FBN1: variants seen among roughly 807,000 people sequenced by gnomAD.
The protein encoded by FBN1 is fibrillin 1.
FBN1 carries 29 observed loss-of-function variants against 365.1 expected under a neutral mutation model. The observed-to-expected ratio is 0.08, with a 90% CI of 0.06 to 0.11. The LOEUF (loss-of-function observed/expected upper bound fraction) is 0.11. Ranked by LOEUF, FBN1 falls within the 10% of genes least tolerant of loss-of-function variation. The pLI, the probability that FBN1 is intolerant of heterozygous loss-of-function variation, is 1.00. For synonymous variants in FBN1, 1,210 were observed against 1,270.5 expected, an observed-to-expected ratio of 0.95 and a Z score of 1.01; for missense variants, 2,476 against 3,703.2, an observed-to-expected ratio of 0.67 and a Z score of 8.60.
At chr15:48,411,527 C>T in intron 65 of FBN1, 148 bp from the exon 66 acceptor site, 1 of 708,770 alleles carries the variant, frequency 1.4e-6, no homozygotes, top group Non-Finnish European at 2.4e-6. Context: ...GTTTAGACCA[C>T]AAGTGTATTA....
intron 17 of FBN1, among the ~76,000 whole-genome samples, chr15:48,501,067 T>G (rs903226658): frequency 3.9e-5 from 6 of 152,316 alleles, no homozygotes; most frequent in East Asian, 1.9e-4. Context: ...GACCCTTTTT[T>G]GGGTAAATTC....
At chr15:48,591,089 T>A (rs1252959700) in intron 6 of FBN1, among the ~76,000 whole-genome samples, 1 of 152,212 alleles carries the variant, frequency 6.6e-6, no homozygotes, top group African/African-American at 2.4e-5. Flanking sequence ...AAAGGCTTCA[T>A]CCTCTGGCTC....
intron 43 of FBN1, 109 bp from the exon 44 acceptor site, chr15:48,456,871 T>TGTGTGCGC (rs749897052): frequency 2.9e-5 from 31 of 1,083,488 alleles, no homozygotes; most frequent in South Asian, 7.6e-5. Flanking sequence ...TGTGTGTGTG[T>TGTGTGCGC]GCGTGCATGT....
intron 6 of FBN1, 56 bp from the exon 7 acceptor site, chr15:48,537,864 C>T (rs2044027387): frequency 1.3e-6 from 2 of 1,550,122 alleles, no homozygotes; most frequent in Non-Finnish European, 1.8e-6. Flanking sequence ...AACCATCATG[C>T]AGAGGAACAG....
intron 44 of FBN1, among the ~76,000 whole-genome samples, chr15:48,454,998 A>T (rs2141258520): frequency 6.6e-6 from 1 of 152,346 alleles, no homozygotes; most frequent in Middle Eastern, 3.4e-3. Flanking sequence ...ATGATGTGGC[A>T]TCTGATAATG....
chr15:48,619,582 C>T (rs1889726587), intron 2 of FBN1, among the ~76,000 whole-genome samples: 1 of 152,044 alleles, frequency 6.6e-6, no homozygotes, highest in East Asian at 1.9e-4. Flanking sequence ...CCATCTCAAA[C>T]TCAATTTATC....
At chr15:48,523,951 A>G (rs2043884656) in intron 9 of FBN1, among the ~76,000 whole-genome samples, 1 of 152,188 alleles carries the variant, frequency 6.6e-6, no homozygotes. Flanking sequence ...GGACCCAGAA[A>G]TCACATTATA....
At chr15:48,414,232 C>T (rs944155768) in intron 64 of FBN1, among the ~76,000 whole-genome samples, 2 of 152,188 alleles carry the variant, frequency 1.3e-5, no homozygotes, top group Non-Finnish European at 2.9e-5. Flanking sequence ...GAGAGCCAGA[C>T]ACAAACATCT....
chr15:48,427,849 A>T (rs1238139966), intron 57 of FBN1, 76 bp from the exon 58 acceptor site: 1 of 1,386,834 alleles, frequency 7.2e-7, no homozygotes, highest in African/African-American at 1.4e-5. Context: ...ATTTGGTCAG[A>T]TATAAAAACC....
At chr15:48,530,150 G>A (rs1394969634) in intron 8 of FBN1, among the ~76,000 whole-genome samples, 1 of 134,534 alleles carries the variant, frequency 7.4e-6, no homozygotes, top group Non-Finnish European at 1.6e-5. Context: ...TGAAAATGGA[G>A]TCTGAATTCT....
At chr15:48,422,136 T>A in intron 60 of FBN1, 68 bp from the exon 61 acceptor site, 3 of 1,062,034 alleles carry the variant, frequency 2.8e-6, no homozygotes, top group African/African-American at 1.6e-5. Context: ...GCTGACCCTA[T>A]GAAGCAGCTC....
At chr15:48,434,300 A>C (rs577004569) in intron 54 of FBN1, among the ~76,000 whole-genome samples, 18 of 152,322 alleles carry the variant, frequency 1.2e-4, no homozygotes, top group African/African-American at 4.3e-4. Flanking sequence ...AGTAAGAAAG[A>C]AGGTATTAAA....
intron 37 of FBN1, 125 bp downstream of exon 37, chr15:48,468,287 A>T (rs910379285): frequency 5.1e-6 from 7 of 1,383,748 alleles, no homozygotes; most frequent in Non-Finnish European, 7.1e-6. Context: ...AATCTAAAGT[A>T]GAGTTAGGAA....
chr15:48,588,490 T>A (rs908754667), intron 6 of FBN1, among the ~76,000 whole-genome samples: 14 of 152,020 alleles, frequency 9.2e-5, no homozygotes, highest in African/African-American at 3.1e-4. Flanking sequence ...AATAAGTTCA[T>A]AAGAGCTAAA....
chr15:48,488,302 A>G (rs1223464746), intron 26 of FBN1, 61 bp from the exon 27 acceptor site: 2 of 1,612,772 alleles, frequency 1.2e-6, no homozygotes, highest in Non-Finnish European at 1.7e-6. Context: ...TCTTGCGACA[A>G]TATGTTAAAG....
At chr15:48,634,676 A>G (rs1004409612) in intron 2 of FBN1, among the ~76,000 whole-genome samples, 4 of 152,128 alleles carry the variant, frequency 2.6e-5, no homozygotes, top group African/African-American at 9.7e-5. Flanking sequence ...TTAAGGTTTT[A>G]ACTCTCATTT....
intron 6 of FBN1, among the ~76,000 whole-genome samples, chr15:48,544,017 T>C (rs2044077934): frequency 6.6e-6 from 1 of 152,082 alleles, no homozygotes; most frequent in African/African-American, 2.4e-5. Flanking sequence ...TAGAGAGCTA[T>C]TATGTGTATA....
intron 35 of FBN1, among the ~76,000 whole-genome samples, chr15:48,472,266 T>C (rs181389219): frequency 6.1e-4 from 93 of 152,268 alleles, no homozygotes; most frequent in Non-Finnish European, 1.0e-3. Flanking sequence ...TTGCACTGAT[T>C]TAACCACACT....
In FBN1 at chr15:48,534,067, T is replaced by C. The variant is rs2043993776; in HGVS notation, c.862+13A>G. 1 of 1,597,496 alleles carries C rather than the reference T, an allele frequency of 6.3e-7. No homozygotes were observed. The highest frequency in any genetic ancestry group is 8.5e-7 in the Non-Finnish European group (1 of 1,169,780). ...CACTACACCCCCCAACTGCAAAGCA[T>C]AAGATTTCTTACCTTCACATTTTTG... On this transcript the variant is annotated intron_variant, in intron 8 of 65. Coordinates refer to ENST00000316623, the MANE Select transcript of FBN1 (RefSeq NM_000138.5).
Sources: gnomAD v4.1 joint callset for allele counts (sites outside exome capture counted in the v4.1 genomes callset) on GRCh38, gnomAD v4.1.1 for gene constraint, MANE v1.5 for transcripts, NCBI Gene and HGNC (gene_info 2026-07-23, HGNC 2026-07-21) for gene names.